TCF4: variants seen among roughly 807,000 people sequenced by gnomAD.
TCF4 encodes the protein SL3-3 enhancer factor 2.
Under a neutral mutation model 82.1 loss-of-function variants are expected in TCF4, and 3 were observed. That is an observed-to-expected ratio of 0.04 (90% CI 0.02 to 0.09). TCF4 has a LOEUF of 0.09. Ranked by LOEUF, TCF4 falls within the 10% of genes least tolerant of loss-of-function variation. The probability of loss-of-function intolerance (pLI) is 1.00; values close to 1 mark genes in which losing one functional copy is unlikely to be tolerated. For missense variants in TCF4, 518 were observed against 852.7 expected, an observed-to-expected ratio of 0.61 and a Z score of 4.89; for synonymous variants, 276 against 309.6, an observed-to-expected ratio of 0.89 and a Z score of 1.14.
At chr18:55,230,228 T>C (rs72925008) in intron 17 of TCF4, 39,235 of 151,026 alleles carry the variant, frequency 0.26, 5,258 homozygotes, top group East Asian at 0.43. Context: ...AACAAATGCA[T>C]GGCCGGGCCC....
intron 5 of TCF4, among the ~76,000 whole-genome samples, chr18:55,441,077 T>G (rs2095430791): frequency 1.3e-5 from 2 of 152,230 alleles, no homozygotes; most frequent in Admixed American, 1.3e-4. Context: ...AGTGTTTGAA[T>G]TAATGGCTCA....
intron 8 of TCF4, among the ~76,000 whole-genome samples, chr18:55,348,124 G>A (rs1053796779): frequency 1.3e-5 from 2 of 152,108 alleles, no homozygotes; most frequent in Admixed American, 1.3e-4. Context: ...TATTTTGTGT[G>A]GTGGTAAGCC....
intron 3 of TCF4, among the ~76,000 whole-genome samples, chr18:55,497,446 A>C (rs2096649827): frequency 6.6e-6 from 1 of 152,140 alleles, no homozygotes; most frequent in South Asian, 2.1e-4. Flanking sequence ...TTAAAAGAAG[A>C]GCAAACTATT....
intron 8 of TCF4, among the ~76,000 whole-genome samples, chr18:55,309,366 C>G (rs1381172536): frequency 6.6e-6 from 1 of 151,974 alleles, no homozygotes. Flanking sequence ...AGGCAATCCT[C>G]CCGCTTCAGC....
At chr18:55,627,845 G>T (rs1405611692) in intron 2 of TCF4, among the ~76,000 whole-genome samples, 1 of 152,060 alleles carries the variant, frequency 6.6e-6, no homozygotes, top group Non-Finnish European at 1.5e-5. Context: ...CGGATCACGA[G>T]GTTAGGAGAT....
intron 8 of TCF4, among the ~76,000 whole-genome samples, chr18:55,308,844 T>C (rs2071249441): frequency 6.6e-6 from 1 of 152,226 alleles, no homozygotes; most frequent in South Asian, 2.1e-4. Context: ...TATTGGAATA[T>C]ATAGCAGCAA....
intron 8 of TCF4, among the ~76,000 whole-genome samples, chr18:55,295,051 A>G (rs146599838): frequency 6.6e-6 from 1 of 152,200 alleles, no homozygotes; most frequent in Non-Finnish European, 1.5e-5. Context: ...AATCAAAAAC[A>G]GGTTGGACTG....
At chr18:55,312,188 A>G (rs1337047355) in intron 8 of TCF4, among the ~76,000 whole-genome samples, 1 of 152,224 alleles carries the variant, frequency 6.6e-6, no homozygotes, top group Non-Finnish European at 1.5e-5. Flanking sequence ...GTTTTCTTAA[A>G]TTGGTTACTT....
chr18:55,590,904 A>G (rs928366249), upstream of TCF4, among the ~76,000 whole-genome samples: 1 of 152,244 alleles, frequency 6.6e-6, no homozygotes, highest in African/African-American at 2.4e-5. Context: ...GACCCAAGGA[A>G]GAAGTTTTGT....
chr18:55,269,477 C>T, intron 11 of TCF4: 1 of 333,036 alleles, frequency 3.0e-6, no homozygotes, highest in South Asian at 2.7e-5. Context: ...TCAATAACTA[C>T]CATTAAGAGC....
chr18:55,251,930 G>GTTTTTTTTTTT (rs199695068), intron 15 of TCF4, among the ~76,000 whole-genome samples: 1 of 101,252 alleles, frequency 9.9e-6, no homozygotes, highest in African/African-American at 3.7e-5. Context: ...GGGGGATGAG[G>GTTTTTTTTTTT]TTTTTTTTTT....
intron 8 of TCF4, among the ~76,000 whole-genome samples, chr18:55,325,726 T>C (rs932123496): frequency 6.6e-6 from 1 of 152,234 alleles, no homozygotes; most frequent in Non-Finnish European, 1.5e-5. Flanking sequence ...TCTTTCTTTT[T>C]TTCAGTATAA....
intron 15 of TCF4, 110 bp downstream of exon 15, chr18:55,254,387 G>T: frequency 1.9e-6 from 2 of 1,045,494 alleles, no homozygotes; most frequent in South Asian, 2.8e-5. Context: ...TATGTTAAGT[G>T]AATTATATCT....
chr18:55,426,140 T>G (rs543789104), intron 5 of TCF4, among the ~76,000 whole-genome samples: 60 of 150,518 alleles, frequency 4.0e-4, no homozygotes, highest in Admixed American at 3.5e-3. Context: ...CACACATATA[T>G]TTTCATACGT....
chr18:55,442,977 G>C (rs1222344655), intron 5 of TCF4, among the ~76,000 whole-genome samples: 1 of 152,210 alleles, frequency 6.6e-6, no homozygotes, highest in Non-Finnish European at 1.5e-5. Flanking sequence ...CGTACTTCTT[G>C]TGGGTGTGAC....
intron 5 of TCF4, among the ~76,000 whole-genome samples, chr18:55,430,520 C>T (rs2095155558): frequency 6.6e-6 from 1 of 152,150 alleles, no homozygotes. Flanking sequence ...ACTGAAGATA[C>T]ATGGGTGACC....
chr18:55,408,586 C>T (rs2094203311), intron 5 of TCF4, among the ~76,000 whole-genome samples: 1 of 152,136 alleles, frequency 6.6e-6, no homozygotes, highest in African/African-American at 2.4e-5. Flanking sequence ...TAGCTGTGTC[C>T]TTATCATGTA....
upstream of TCF4, among the ~76,000 whole-genome samples, chr18:55,590,691 CCAAAA>C (rs1333228002): frequency 4.6e-5 from 7 of 152,182 alleles, no homozygotes; most frequent in Non-Finnish European, 1.0e-4. Flanking sequence ...TTTCCCTACT[CCAAAA>C]CAATAGCTTT....
chr18:55,545,663 T>A (rs2097200129), intron 3 of TCF4, among the ~76,000 whole-genome samples: 1 of 152,194 alleles, frequency 6.6e-6, no homozygotes, highest in Non-Finnish European at 1.5e-5. Context: ...TTGGCCAGGC[T>A]GGTCTTGAAC....
Sources: gnomAD v4.1 joint callset for allele counts (sites outside exome capture counted in the v4.1 genomes callset) on GRCh38, gnomAD v4.1.1 for gene constraint, MANE v1.5 for transcripts, NCBI Gene and HGNC (gene_info 2026-07-23, HGNC 2026-07-21) for gene names.